SH2B2: variants seen among roughly 807,000 people sequenced by gnomAD.
The protein encoded by SH2B2 is SH2B adaptor protein 2.
A neutral mutation model predicts 35.7 loss-of-function variants in SH2B2; 37 were observed. That is an observed-to-expected ratio of 1.04 (90% CI 0.80 to 1.36). SH2B2 has a LOEUF of 1.36. Among genes scored for constraint, SH2B2 ranks in the 40% most tolerant of loss-of-function variants. The pLI is 0.00. For synonymous variants in SH2B2, 383 were observed against 376.4 expected (o/e 1.02, Z -0.20); for missense variants, 852 against 817.7 (o/e 1.04, Z -0.51).
intron 2 of SH2B2, among the ~76,000 whole-genome samples, chr7:102,305,145 G>C (rs192305102): frequency 6.6e-6 from 1 of 152,246 alleles, no homozygotes; most frequent in Admixed American, 6.5e-5. Context: ...AGTGAGCCCC[G>C]TTCTGAGTCG....
Position 102,321,468 on chromosome 7 carries a change from G to GC in SH2B2, c.1740dup (p.Ala581ArgfsTer?). On this transcript the variant is annotated frameshift_variant, in exon 9 of 9. Coordinates refer to ENST00000444095, the MANE Select transcript of SH2B2 (RefSeq NM_001359228.2). LOFTEE classifies it low-confidence loss of function (END_TRUNC). Reference sequence around the variant, plus strand: ...CCTCGTCGTCCTCTGCCGCGTCGGGGCCCGCCCCCCCGCGCCCCGTCGAGG... The same window carrying GC: ...CCTCGTCGTCCTCTGCCGCGTCGGGGCCCCGCCCCCCCGCGCCCCGTCGAGG... 8.3e-7 allele frequency: 1 copy of GC among 1,205,414 alleles called. No individual in the cohort carries two copies. Among genetic ancestry groups the GC allele is most frequent in the Non-Finnish European group, 1.0e-6 (1 of 968,072 alleles). 74.7% of individuals were successfully genotyped at this position (1,205,414 alleles called of 1,614,324 possible). A position where few individuals can be genotyped will look rare whatever the true frequency, so the allele number is the denominator to read the frequency against.
upstream of SH2B2, among the ~76,000 whole-genome samples, chr7:102,286,080 C>A (rs544608294): frequency 6.6e-6 from 1 of 152,238 alleles, no homozygotes; most frequent in Admixed American, 6.5e-5. Context: ...CTAAAGCAGG[C>A]GAGTTCTGGA....
chr7:102,301,323 A>C, intron 2 of SH2B2, 44 bp downstream of exon 2: 1 of 1,560,772 alleles, frequency 6.4e-7, no homozygotes, highest in Non-Finnish European at 8.7e-7. Flanking sequence ...GGACCAGAGG[A>C]GGCACCTGGG....
chr7:102,317,018 G>A (rs535404753), intron 6 of SH2B2, 169 bp from the exon 7 acceptor site: 11 of 594,942 alleles, frequency 1.8e-5, no homozygotes, highest in Middle Eastern at 2.6e-4. Context: ...GCGAAACTTC[G>A]TCTCAAAAAA....
chr7:102,303,544 C>T (rs1554554307), intron 2 of SH2B2, among the ~76,000 whole-genome samples: 1 of 152,176 alleles, frequency 6.6e-6, no homozygotes, highest in Admixed American at 6.5e-5. Flanking sequence ...AGTGACTTCC[C>T]AGGGACACAG....
chr7:102,312,898 G>C (rs1014616423), intron 4 of SH2B2, among the ~76,000 whole-genome samples: 4 of 152,100 alleles, frequency 2.6e-5, no homozygotes, highest in African/African-American at 7.2e-5. Flanking sequence ...GGAAGGCCAA[G>C]GTGGGCGGAT....
chr7:102,321,316 C>T lies in SH2B2; in HGVS notation c.1585C>T (p.Pro529Ser), dbSNP rs1231219576. Residue 529 changes from proline to serine, a missense_variant, in exon 9 of 9, where the codon CCT becomes TCT. This residue lies in a region of SH2B2 where 556 missense variants were observed against 514.5 expected (regional missense o/e 1.08). Coordinates refer to ENST00000444095, the MANE Select transcript of SH2B2 (RefSeq NM_001359228.2). The part of the protein sequence containing the change: ...DPPPEPGPTP[P>S]AAPASPACWS... ...TGTTGCAGAGCCGGGCCCCACGCCC[C>T]CTGCCGCGCCCGCGTCCCCGGCCTG... is the stretch of plus-strand genomic sequence containing the variant. The T allele has an allele frequency of 2.1e-6, 3 of 1,424,490 alleles. No individual in the cohort carries two copies. The African/African-American group carries it at 4.5e-5, about 21-fold the overall frequency. 88.2% of individuals were successfully genotyped at this position (1,424,490 alleles called of 1,614,324 possible).
intron 3 of SH2B2, among the ~76,000 whole-genome samples, chr7:102,307,464 C>T (rs57238350): frequency 0.03 from 4,541 of 152,234 alleles, 207 homozygotes; most frequent in African/African-American, 0.1. Context: ...AAGCCCCCAC[C>T]CTCTTCTCCC....
At chr7:102,319,647 C>T (rs1268535219) in intron 7 of SH2B2, among the ~76,000 whole-genome samples, 2 of 151,954 alleles carry the variant, frequency 1.3e-5, no homozygotes, top group Non-Finnish European at 2.9e-5. Flanking sequence ...GCCCCACACA[C>T]CCCAGAGATA....
chr7:102,296,603 C>T (rs1468037297), intron 1 of SH2B2, among the ~76,000 whole-genome samples: 9 of 152,210 alleles, frequency 5.9e-5, no homozygotes, highest in African/African-American at 2.2e-4. Flanking sequence ...CCAAGCCATG[C>T]AGTTTAGCCA....
At chr7:102,311,288 T>C (rs1554555997) in intron 4 of SH2B2, among the ~76,000 whole-genome samples, 1 of 149,600 alleles carries the variant, frequency 6.7e-6, no homozygotes, top group African/African-American at 2.5e-5. Flanking sequence ...GGAGTCTCGC[T>C]CCATCATCCA....
chr7:102,291,374 T>C (rs1322330221), intron 1 of SH2B2, among the ~76,000 whole-genome samples: 1 of 152,190 alleles, frequency 6.6e-6, no homozygotes, highest in Non-Finnish European at 1.5e-5. Context: ...GCGATGCTGC[T>C]CAGGCCGAGC....
chr7:102,296,229 C>T (rs1304988588), intron 1 of SH2B2, among the ~76,000 whole-genome samples: 2 of 152,178 alleles, frequency 1.3e-5, no homozygotes, highest in African/African-American at 4.8e-5. Flanking sequence ...CCAGAGGCCT[C>T]GCAGATGATC....
intron 1 of SH2B2, among the ~76,000 whole-genome samples, chr7:102,292,439 G>C (rs1053921501): frequency 6.6e-6 from 1 of 151,406 alleles, no homozygotes; most frequent in African/African-American, 2.4e-5. Flanking sequence ...GCTGAGGCAG[G>C]AGAATCGCTT....
In SH2B2 at chr7:102,300,523, C is replaced by T. The variant is rs1793104160; in HGVS notation, c.-28C>T. 1 of 1,532,500 alleles carries T rather than the reference C, an allele frequency of 6.5e-7. No homozygotes were observed. The allele number at this position is 1,532,500 out of a possible 1,614,324, so 94.9% of individuals were successfully genotyped here. On this transcript the variant is annotated splice_region_variant and 5_prime_UTR_variant, in exon 2 of 9. Transcript: ENST00000444095. ...ACTGCGCGCTCTTCTCGCCCGAAGCCGCAGGTGGCTGCGATGGGACGGAAG... is the reference window on the plus strand; with the variant it reads ...ACTGCGCGCTCTTCTCGCCCGAAGCTGCAGGTGGCTGCGATGGGACGGAAG...
At chr7:102,285,395 G>A, upstream of SH2B2, 1 of 680,772 alleles carries the variant, frequency 1.5e-6, no homozygotes, top group Non-Finnish European at 2.6e-6. Flanking sequence ...TAGGTGTCCT[G>A]GTTCCCAACC....
chr7:102,313,393 A>G (rs1739355970), intron 4 of SH2B2, among the ~76,000 whole-genome samples: 1 of 151,552 alleles, frequency 6.6e-6, no homozygotes, highest in Admixed American at 6.6e-5. Context: ...AGTTGCGGTG[A>G]GCTGAGATCG....
chr7:102,321,288 C>G lies in SH2B2; in HGVS notation c.1568-11C>G. 7.3e-7 allele frequency: 1 copy of G among 1,374,566 alleles called. No homozygotes were observed. The highest frequency in any genetic ancestry group is 9.3e-7 in the Non-Finnish European group (1 of 1,070,666). The allele number at this position is 1,374,566 out of a possible 1,614,324, so 85.1% of individuals were successfully genotyped here. ...GGTCCCCACTCACGCCCTGCCGTCGCCTTGTTGCAGAGCCGGGCCCCACGC... is the reference window on the plus strand; with the variant it reads ...GGTCCCCACTCACGCCCTGCCGTCGGCTTGTTGCAGAGCCGGGCCCCACGC... On this transcript the variant is annotated splice_polypyrimidine_tract_variant and intron_variant, in intron 8 of 8. Coordinates refer to ENST00000444095, the MANE Select transcript of SH2B2 (RefSeq NM_001359228.2).
chr7:102,303,635 T>C (rs1554554325), intron 2 of SH2B2, among the ~76,000 whole-genome samples: 1 of 152,174 alleles, frequency 6.6e-6, no homozygotes, highest in African/African-American at 2.4e-5. Flanking sequence ...GGCCCCTGCC[T>C]TTAATTCCCT....
Sources: allele counts gnomAD v4.1 joint callset (sites outside exome capture counted in the v4.1 genomes callset), GRCh38; gene constraint gnomAD v4.1.1; regional missense constraint gnomAD v4.1.1; transcripts MANE v1.5; gene names NCBI Gene and HGNC (gene_info 2026-07-23, HGNC 2026-07-21).